The following CLDN16 variants were observed in gnomAD, a reference collection of about 807,000 sequenced individuals.
CLDN16 encodes the protein claudin-16.
A neutral mutation model predicts 24.6 loss-of-function variants in CLDN16; 13 were observed. The observed-to-expected ratio is 0.53, with a 90% CI of 0.34 to 0.84. The LOEUF is 0.84. Ranked by LOEUF, CLDN16 falls within the 40% of genes least tolerant of loss-of-function variation. The pLI, the probability that CLDN16 is intolerant of heterozygous loss-of-function variation, is 0.01. For synonymous variants in CLDN16, 116 were observed against 106.7 expected, an observed-to-expected ratio of 1.09 and a Z score of -0.54; for missense variants, 298 against 292.7, an observed-to-expected ratio of 1.02 and a Z score of -0.13.
At chr3:190,348,280 C>CAAAAAAAAAA (rs34092127) in intron 1 of CLDN16, among the ~76,000 whole-genome samples, 1 of 76,986 alleles carries the variant, frequency 1.3e-5, no homozygotes, top group Non-Finnish European at 2.2e-5. Flanking sequence ...AAGAATAAAT[C>CAAAAAAAAAA]AAAAAAAAAA....
chr3:190,376,410 C>A (rs1419494262), intron 3 of CLDN16, among the ~76,000 whole-genome samples: 2 of 151,688 alleles, frequency 1.3e-5, no homozygotes, highest in African/African-American at 4.8e-5. Context: ...TAGTCTCCGA[C>A]CTTCAGGAGC....
rs183107742 is a variant in CLDN16 at position 190,348,967 on chromosome 3, C to G, written n.122-21926C>G. On this transcript the variant is annotated intron_variant and non_coding_transcript_variant, in intron 1 of 4. Coordinates refer to the CLDN16 transcript ENST00000468220. ...TTGCTAAAGATAATGGTCTTTAGCT[C>G]CATCCATGTCTCTGCAAAGGACATA... Among the ~76,000 whole-genome samples, 410 of 152,318 alleles carry G rather than the reference C, an allele frequency of 2.7e-3. 2 individuals carry two copies. The highest frequency in any genetic ancestry group is 9.2e-3 in the African/African-American group (382 of 41,574).
At chr3:190,399,647 C>T (rs1331233722) in intron 1 of CLDN16, among the ~76,000 whole-genome samples, 2 of 152,116 alleles carry the variant, frequency 1.3e-5, no homozygotes, top group African/African-American at 4.8e-5. Flanking sequence ...GCATACCCAT[C>T]ATCTCAAACA....
intron 1 of CLDN16, 44 bp downstream of exon 1, chr3:190,388,487 AT>A (rs1457538648): frequency 6.4e-7 from 1 of 1,569,772 alleles, no homozygotes; most frequent in African/African-American, 1.3e-5. Context: ...GCCAGCCCAA[AT>A]TTTCGCTAAG....
chr3:190,398,137 C>T (rs892871603), intron 1 of CLDN16, among the ~76,000 whole-genome samples: 1 of 152,188 alleles, frequency 6.6e-6, no homozygotes, highest in Non-Finnish European at 1.5e-5. Context: ...CACTACAGGG[C>T]AGTCAGCTTT....
chr3:190,404,414 T>C (rs1399363029), intron 2 of CLDN16, among the ~76,000 whole-genome samples: 1 of 152,210 alleles, frequency 6.6e-6, no homozygotes, highest in Non-Finnish European at 1.5e-5. Context: ...CTACCTTCGA[T>C]TCAGCAATCG....
chr3:190,383,830 A>G (rs1391587520), upstream of CLDN16, among the ~76,000 whole-genome samples: 1 of 152,236 alleles, frequency 6.6e-6, no homozygotes, highest in Non-Finnish European at 1.5e-5. Context: ...ACATACATAC[A>G]TATGTATATG....
At chr3:190,364,770 CAA>C (rs1189636930) in intron 1 of CLDN16, among the ~76,000 whole-genome samples, 1 of 151,670 alleles carries the variant, frequency 6.6e-6, no homozygotes, top group African/African-American at 2.4e-5. Flanking sequence ...GTAAATAAGT[CAA>C]AGACATATTC....
At chr3:190,296,580 C>A in the CLDN16 span, among the ~76,000 whole-genome samples, 1 of 146,230 alleles carries the variant, frequency 6.8e-6, no homozygotes, top group African/African-American at 2.6e-5. Flanking sequence ...GACGGAGCCT[C>A]GCTCTGTCGC....
intron 1 of CLDN16, among the ~76,000 whole-genome samples, chr3:190,350,344 TTATA>T (rs10563626): frequency 0.37 from 53,126 of 141,988 alleles, 10,283 homozygotes; most frequent in East Asian, 0.61. Flanking sequence ...GTTCATAATG[TTATA>T]TATATATATA....
At chr3:190,307,870 T>C in the CLDN16 span, 10 of 162,260 alleles carry the variant, frequency 6.2e-5, no homozygotes, top group Non-Finnish European at 1.1e-4. Flanking sequence ...TTCATCAATA[T>C]GGAATTAAAT....
chr3:190,342,434 T>A (rs868670291), intron 1 of CLDN16, among the ~76,000 whole-genome samples: 1 of 151,962 alleles, frequency 6.6e-6, no homozygotes, highest in African/African-American at 2.4e-5. Flanking sequence ...ATGACCTAGG[T>A]GAAACAGAAA....
upstream of CLDN16, among the ~76,000 whole-genome samples, chr3:190,387,385 G>A (rs549397342): frequency 5.9e-5 from 9 of 151,590 alleles, no homozygotes; most frequent in Non-Finnish European, 8.8e-5. Context: ...CATTAGACGC[G>A]TTTTCAAACA....
At chr3:190,340,122 G>C (rs28377068) in intron 1 of CLDN16, among the ~76,000 whole-genome samples, 47,454 of 152,068 alleles carry the variant, frequency 0.31, 7,823 homozygotes, top group East Asian at 0.6. Context: ...ATCCTTTCTT[G>C]ATAAAAACTT....
chr3:190,341,096 C>T (rs1717418075), intron 1 of CLDN16, among the ~76,000 whole-genome samples: 1 of 152,146 alleles, frequency 6.6e-6, no homozygotes, highest in Admixed American at 6.5e-5. Flanking sequence ...GTGTCTGCAG[C>T]TTTTCCAGGT....
chr3:190,378,327 A>G (rs1718288299), intron 3 of CLDN16, among the ~76,000 whole-genome samples: 2 of 151,982 alleles, frequency 1.3e-5, no homozygotes, highest in Non-Finnish European at 2.9e-5. Context: ...GACAAAAATG[A>G]GAGAAGTTCT....
upstream of CLDN16, among the ~76,000 whole-genome samples, chr3:190,383,254 T>C (rs529871487): frequency 1.3e-5 from 2 of 152,262 alleles, no homozygotes; most frequent in South Asian, 4.1e-4. Flanking sequence ...TGATATGTAC[T>C]GAGTACCACT....
chr3:190,312,593 G>A, the CLDN16 span, among the ~76,000 whole-genome samples: 493 of 152,228 alleles, frequency 3.2e-3, 3 homozygotes, highest in African/African-American at 0.011. Flanking sequence ...CCTCCTTAGC[G>A]TTTGCTAAAT....
Position 190,333,683 on chromosome 3 carries a change from A to G in CLDN16, n.121+11022A>G, listed in dbSNP as rs538466027. Among the ~76,000 whole-genome samples, 3 of 152,264 alleles carry G rather than the reference A, an allele frequency of 2.0e-5. No homozygotes were observed. In the East Asian group the frequency reaches 5.8e-4, roughly 29 times the overall value. On this transcript the variant is annotated intron_variant and non_coding_transcript_variant, in intron 1 of 4. Transcript: ENST00000468220. ...ATGCCACACTTACTAAAATCTTATC[A>G]TAACGTGGAGTTCTTTCTCTGATAA...
Sources: allele counts gnomAD v4.1 joint callset (sites outside exome capture counted in the v4.1 genomes callset), GRCh38; gene constraint gnomAD v4.1.1; transcripts MANE v1.5; gene names NCBI Gene and HGNC (gene_info 2026-07-23, HGNC 2026-07-21).